Variants in RAE1 observed in about 807,000 individuals in gnomAD.
RAE1 encodes the protein mRNA export factor RAE1.
A neutral mutation model predicts 52.7 loss-of-function variants in RAE1; 13 were observed. The observed-to-expected ratio is 0.25, with a 90% confidence interval of 0.16 to 0.39. The LOEUF (loss-of-function observed/expected upper bound fraction) is 0.39. Among genes scored for constraint, RAE1 ranks in the 10% least tolerant of loss-of-function variants. The probability of loss-of-function intolerance (pLI) is 1.00; values close to 1 mark genes in which losing one functional copy is unlikely to be tolerated. For missense variants in RAE1, 262 were observed against 459.8 expected (o/e 0.57, Z 3.93); for synonymous variants, 164 against 153.1 (o/e 1.07, Z -0.52).
At chr20:57,352,463 C>T (rs1364283156) in intron 1 of RAE1, among the ~76,000 whole-genome samples, 1 of 152,134 alleles carries the variant, frequency 6.6e-6, no homozygotes, top group African/African-American at 2.4e-5. Context: ...TGCAGCAAGG[C>T]GGGAGAGAGC....
chr20:57,361,664 G>A (rs1311673902), intron 4 of RAE1, among the ~76,000 whole-genome samples: 1 of 152,186 alleles, frequency 6.6e-6, no homozygotes, highest in African/African-American at 2.4e-5. Context: ...CAATGGATTT[G>A]GCAGGAGTCA....
intron 4 of RAE1, among the ~76,000 whole-genome samples, chr20:57,363,727 A>G (rs1405249730): frequency 6.6e-6 from 1 of 152,228 alleles, no homozygotes; most frequent in Non-Finnish European, 1.5e-5. Flanking sequence ...AATAACACAT[A>G]ATAACATTAT....
intron 4 of RAE1, chr20:57,358,888 T>C: frequency 8.4e-7 from 1 of 1,190,740 alleles, no homozygotes; most frequent in South Asian, 2.3e-5. Context: ...GATAGGAGGC[T>C]AGGGCCTGTA....
chr20:57,352,010 C>CAG, intron 1 of RAE1: 1 of 977,652 alleles, frequency 1.0e-6, no homozygotes, highest in South Asian at 4.7e-5. Flanking sequence ...CAAGTGGCTG[C>CAG]CCTCTTGGAG....
Position 57,373,716 on chromosome 20 carries a change from C to T in RAE1, c.803C>T (p.Ser268Leu). Residue 268 changes from serine (S) to leucine (L), a missense_variant, in exon 10 of 12, where the codon TCA (serine) becomes TTA (leucine). Ser to Leu is a moderately radical substitution (Grantham distance 145). Coordinates refer to ENST00000395841, the MANE Select transcript of RAE1 (RefSeq NM_003610.4). ...CATCGATCTAATGGAACCAACACTT[C>T]AGCTCCTCAGGACATTTATGCGGTA... The part of the protein sequence containing the change: ...KCHRSNGTNT[S>L]APQDIYAVNG... The T allele has an allele frequency of 6.2e-7, 1 of 1,614,010 alleles. No homozygotes were observed. The highest frequency in any genetic ancestry group is 8.5e-7 in the Non-Finnish European group (1 of 1,179,846).
At chr20:57,377,517 G>A (rs539902510) in intron 11 of RAE1, among the ~76,000 whole-genome samples, 9 of 152,280 alleles carry the variant, frequency 5.9e-5, no homozygotes, top group African/African-American at 1.9e-4. Flanking sequence ...CCGGGCAGAC[G>A]TGCACACCTC....
intron 4 of RAE1, among the ~76,000 whole-genome samples, chr20:57,361,501 G>A (rs946337236): frequency 2.6e-5 from 4 of 152,148 alleles, no homozygotes; most frequent in Admixed American, 2.6e-4. Flanking sequence ...AGATTAGGAG[G>A]GGGGAGTTTG....
chr20:57,351,551 T>A, intron 1 of RAE1, 129 bp downstream of exon 1: 1 of 985,454 alleles, frequency 1.0e-6, no homozygotes, highest in Non-Finnish European at 1.2e-6. Flanking sequence ...TAAGCTTCGT[T>A]ACTGGGCCCT....
rs1358547634 is a variant in RAE1 at position 57,367,022 on chromosome 20, A to C, written c.477A>C (p.Arg159=). 2 of 1,610,184 alleles carry C rather than the reference A, an allele frequency of 1.2e-6. No homozygotes were observed. The highest frequency in any genetic ancestry group is 2.7e-5 in the African/African-American group (2 of 74,808). ...TTTGCTTTTAGTTTTGGGATACTCG[A>C]TCGTCAAATCCTATGATGGTTTTGC... ...WDKTLKFWDT[R]SSNPMMVLQL... Residue 159 remains arginine, a synonymous_variant, in exon 7 of 12, where the codon CGA becomes CGC. Transcript: ENST00000395841.
In RAE1 at chr20:57,366,958, C is replaced by T. The variant is rs368271173; in HGVS notation, c.463-50C>T. The T allele has an allele frequency of 1.0e-4, 162 of 1,583,616 alleles. No individual in the cohort carries two copies. The East Asian group carries it at 1.5e-3, about 14-fold the overall frequency. The stretch of plus-strand genomic sequence containing the variant: ...ATTGTCATTTATTTTTGCACCATTT[C>T]GACTTCTGCTCTGAATGGTCACATA... On this transcript the variant is annotated intron_variant, in intron 6 of 11. Coordinates refer to ENST00000395841, the MANE Select transcript of RAE1 (RefSeq NM_003610.4).
At chr20:57,371,087 C>T (rs902920387) in intron 8 of RAE1, 1 of 152,240 alleles carries the variant, frequency 6.6e-6, no homozygotes, top group Non-Finnish European at 1.5e-5. Context: ...TTCTCCCTCC[C>T]TCCTGCCACC....
intron 8 of RAE1, among the ~76,000 whole-genome samples, chr20:57,370,318 A>T (rs2067017283): frequency 6.6e-6 from 1 of 152,182 alleles, no homozygotes; most frequent in Non-Finnish European, 1.5e-5. Context: ...ACAGAGCTTC[A>T]TTCACTGTTC....
At chr20:57,370,334 A>G (rs1006784767) in intron 8 of RAE1, among the ~76,000 whole-genome samples, 5 of 152,210 alleles carry the variant, frequency 3.3e-5, no homozygotes, top group African/African-American at 1.2e-4. Context: ...TGTTCTTACA[A>G]GAAACATTTC....
chr20:57,374,626 A>G lies in RAE1; in HGVS notation c.845A>G (p.His282Arg). 1 of 1,613,874 alleles carries G rather than the reference A, an allele frequency of 6.2e-7. No individual in the cohort carries two copies. The highest frequency in any genetic ancestry group is 8.5e-7 in the Non-Finnish European group (1 of 1,179,830). ...TTGCAGGTAAATGGAATCGCGTTCC[A>G]TCCTGTTCATGGCACCCTTGCAACT... ...DIYAVNGIAF[H>R]PVHGTLATVG... Residue 282 changes from histidine to arginine, a missense_variant, in exon 11 of 12, where the codon CAT (histidine) becomes CGT (arginine). Coordinates refer to ENST00000395841, the MANE Select transcript of RAE1 (RefSeq NM_003610.4).
intron 7 of RAE1, 46 bp downstream of exon 7, chr20:57,367,125 AAAT>A: frequency 6.9e-7 from 1 of 1,457,976 alleles, no homozygotes. Flanking sequence ...AAAAAAAACA[AAAT>A]AAGTATTCTC....
intron 4 of RAE1, chr20:57,360,059 G>C (rs1486609880): frequency 6.6e-6 from 1 of 152,148 alleles, no homozygotes; most frequent in African/African-American, 2.4e-5. Context: ...GCTACACTTT[G>C]GTTTATCCAA....
chr20:57,359,323 G>A (rs1232376096), intron 4 of RAE1: 4 of 247,064 alleles, frequency 1.6e-5, no homozygotes, highest in East Asian at 1.5e-4. Context: ...GGTTACTCCC[G>A]TCTGATGTAA....
chr20:57,366,668 A>AC, intron 5 of RAE1, 139 bp from the exon 6 acceptor site: 3 of 777,266 alleles, frequency 3.9e-6, no homozygotes, highest in Non-Finnish European at 6.6e-6. Context: ...GATTGGTAAA[A>AC]TGCTAAGTAT....
At chr20:57,365,238 T>C (rs1419390151) in intron 4 of RAE1, 118 bp from the exon 5 acceptor site, 5 of 642,036 alleles carry the variant, frequency 7.8e-6, no homozygotes, top group African/African-American at 5.6e-5. Flanking sequence ...CCCCAAACAA[T>C]TGGAAAAATA....
Sources: gnomAD v4.1 joint callset for allele counts (sites outside exome capture counted in the v4.1 genomes callset) on GRCh38, gnomAD v4.1.1 for gene constraint, MANE v1.5 for transcripts, NCBI Gene and HGNC (gene_info 2026-07-23, HGNC 2026-07-21) for gene names.